The following IGSF10 variants were observed in gnomAD, a reference collection of about 807,000 sequenced individuals.
The protein encoded by IGSF10 is calvaria mechanical force protein 608.
Under a neutral mutation model 128.2 loss-of-function variants are expected in IGSF10, and 126 were observed. That is an observed-to-expected ratio of 0.98 (90% CI 0.85 to 1.14). The LOEUF (loss-of-function observed/expected upper bound fraction) is 1.14. Among genes scored for constraint, IGSF10 ranks in the 50% most tolerant of loss-of-function variants. IGSF10 has a pLI of 0.00. For synonymous variants in IGSF10, 1,185 were observed against 1,146.2 expected, an observed-to-expected ratio of 1.03 and a Z score of -0.68; for missense variants, 3,295 against 3,149.8, an observed-to-expected ratio of 1.05 and a Z score of -1.10.
chr3:151,446,003 A>AG lies in IGSF10; in HGVS notation c.3977dup (p.Ala1327CysfsTer7). 6.2e-7 allele frequency: 1 copy of AG among 1,614,174 alleles called. No individual in the cohort carries two copies. Among genetic ancestry groups the AG allele is most frequent in the South Asian group, 1.1e-5 (1 of 91,080 alleles). ...GGGTTTCATAAGTGATGACAGATGCAGGGAAGGTAGGAGTTGTTGCTGGTA... is the reference window on the plus strand; with the variant it reads ...GGGTTTCATAAGTGATGACAGATGCAGGGGAAGGTAGGAGTTGTTGCTGGTA... On this transcript the variant is annotated frameshift_variant, in exon 6 of 8. Transcript: ENST00000282466. LOFTEE classifies it high-confidence loss of function.
chr3:151,558,005 A>AT, the IGSF10 span, among the ~76,000 whole-genome samples: 3 of 39,554 alleles, frequency 7.6e-5, no homozygotes, highest in African/African-American at 2.4e-4. Context: ...AAGTATATAT[A>AT]ATATATATAT....
the IGSF10 span, among the ~76,000 whole-genome samples, chr3:151,545,512 A>G: frequency 0.036 from 5,505 of 152,260 alleles, 128 homozygotes; most frequent in East Asian, 0.06. Flanking sequence ...TTTTGGTCTT[A>G]TGGTTTAGCC....
At chr3:151,501,868 T>C in the IGSF10 span, among the ~76,000 whole-genome samples, 5 of 152,136 alleles carry the variant, frequency 3.3e-5, no homozygotes, top group African/African-American at 1.2e-4. Context: ...GAAATAGCTC[T>C]TTTGTTCTTG....
the IGSF10 span, among the ~76,000 whole-genome samples, chr3:151,512,388 G>A: frequency 1.3e-5 from 2 of 152,126 alleles, no homozygotes; most frequent in East Asian, 3.8e-4. Flanking sequence ...AATGAAGGCA[G>A]AAATAAAGAT....
Position 151,447,482 on chromosome 3 carries a change from C to T in IGSF10, c.2499G>A (p.Met833Ile), listed in dbSNP as rs570576236. 6.2e-6 allele frequency: 10 copies of T among 1,614,148 alleles called. 1 individual carries two copies. In the African/African-American group the frequency reaches 6.7e-5, roughly 11 times the overall value. ...ATTCTGTGCCATAATTTATGTTTGT[C>T]ATAGGACTATCAGATATTGTTCTGG... Reference protein sequence around the residue: ...ADSRTISDSPMTNINYGTEFS... With the variant: ...ADSRTISDSPITNINYGTEFS... Residue 833 changes from methionine to isoleucine, a missense_variant, in exon 6 of 8, where the codon ATG becomes ATA. Physicochemically the swap from Met to Ile is conservative, Grantham distance 10 (BLOSUM62 1). Coordinates refer to ENST00000282466, the MANE Select transcript of IGSF10 (RefSeq NM_178822.5).
the IGSF10 span, among the ~76,000 whole-genome samples, chr3:151,539,867 G>T: frequency 6.6e-6 from 1 of 151,824 alleles, no homozygotes; most frequent in South Asian, 2.1e-4. Flanking sequence ...ATCTCTGTGT[G>T]TGTCTGTCAT....
the IGSF10 span, among the ~76,000 whole-genome samples, chr3:151,602,440 A>C: frequency 1.3e-5 from 2 of 152,228 alleles, no homozygotes; most frequent in African/African-American, 4.8e-5. Flanking sequence ...CCAATGCTAC[A>C]TGTGTGGCCT....
chr3:151,558,845 G>A, the IGSF10 span, among the ~76,000 whole-genome samples: 1 of 152,110 alleles, frequency 6.6e-6, no homozygotes, highest in African/African-American at 2.4e-5. Context: ...GAGTCTGTTA[G>A]GAGGAGTTTT....
intron 4 of IGSF10, among the ~76,000 whole-genome samples, chr3:151,455,100 TTC>T (rs1157062132): frequency 2.0e-5 from 3 of 152,058 alleles, no homozygotes; most frequent in Non-Finnish European, 2.9e-5. Flanking sequence ...TAAATAAAGT[TTC>T]TTTTTTGCGT....
chr3:151,570,994 C>A, the IGSF10 span, among the ~76,000 whole-genome samples: 1 of 152,154 alleles, frequency 6.6e-6, no homozygotes, highest in Non-Finnish European at 1.5e-5. Flanking sequence ...AATAGGGAAT[C>A]CTTTCCCCAT....
downstream of IGSF10, chr3:151,432,862 A>G (rs1719690937): frequency 1.6e-6 from 2 of 1,283,350 alleles, no homozygotes; most frequent in Non-Finnish European, 2.2e-6. Flanking sequence ...AGAAAATCAA[A>G]TTTAATGCAT....
rs1721321871 is a variant in IGSF10 at position 151,448,278 on chromosome 3, A to G, written c.1703T>C (p.Val568Ala). 1.9e-6 allele frequency: 3 copies of G among 1,614,112 alleles called. No homozygotes were observed. Among genetic ancestry groups the G allele is most frequent in the Non-Finnish European group, 2.5e-6 (3 of 1,180,046 alleles). The change falls in exon 6 of 8, where the codon GTG becomes GCG. Residue 568 changes from valine to alanine, a missense_variant. Transcript: ENST00000282466. ...ATAGGCTTCGACCAAAGGTTCTACCACAGTTATCCTATAGGTGAGAATATC... is the reference window on the plus strand; with the variant it reads ...ATAGGCTTCGACCAAAGGTTCTACCGCAGTTATCCTATAGGTGAGAATATC... The part of the protein sequence containing the change: ...DADILTYRIT[V>A]VEPLVEAYQE...
At chr3:151,512,810 C>T in the IGSF10 span, among the ~76,000 whole-genome samples, 1 of 152,196 alleles carries the variant, frequency 6.6e-6, no homozygotes, top group Non-Finnish European at 1.5e-5. Flanking sequence ...GAAATACAAA[C>T]TACCATCAGA....
chr3:151,461,602 G>A (rs561136577), upstream of IGSF10: 11 of 203,144 alleles, frequency 5.4e-5, no homozygotes, highest in South Asian at 1.7e-4. Context: ...TTTGTGACAC[G>A]AGCAGCTAAA....
In IGSF10 at chr3:151,443,819, T is replaced by G. The variant is rs754329488; in HGVS notation, c.5128A>C (p.Ile1710Leu). The G allele has an allele frequency of 1.9e-6, 3 of 1,614,146 alleles. No homozygotes were observed. The highest frequency in any genetic ancestry group is 1.1e-5 in the South Asian group (1 of 91,090). ...CGGTCCTGAATTTCCACCCTCTGGA[T>G]GGACAGGGTACCATTGGGGAGAACC... ...VQVLPNGTLS[I>L]QRVEIQDRGQ... Residue 1710 changes from isoleucine to leucine, a missense_variant, in exon 7 of 8, where the codon ATC (isoleucine) becomes CTC (leucine). Physicochemically the swap from Ile to Leu is conservative, Grantham distance 5 (BLOSUM62 2). Coordinates refer to ENST00000282466, the MANE Select transcript of IGSF10 (RefSeq NM_178822.5).
At chr3:151,561,989 G>A in the IGSF10 span, among the ~76,000 whole-genome samples, 1 of 152,094 alleles carries the variant, frequency 6.6e-6, no homozygotes, top group African/African-American at 2.4e-5. Context: ...TATCAGAGGC[G>A]TTTGAACCAG....
the IGSF10 span, among the ~76,000 whole-genome samples, chr3:151,493,193 T>C: frequency 1.4e-4 from 21 of 152,122 alleles, no homozygotes; most frequent in African/African-American, 5.1e-4. Flanking sequence ...GTAGCAGATA[T>C]GTAGAATGAA....
chr3:151,495,542 A>T, the IGSF10 span, among the ~76,000 whole-genome samples: 14 of 151,390 alleles, frequency 9.2e-5, no homozygotes, highest in African/African-American at 3.4e-4. Flanking sequence ...GAAAAAAATT[A>T]AGAACGACAA....
chr3:151,443,675 G>A lies in IGSF10; in HGVS notation c.5272C>T (p.His1758Tyr). The A allele has an allele frequency of 6.2e-7, 1 of 1,614,198 alleles. No individual in the cohort carries two copies. Among genetic ancestry groups the A allele is most frequent in the East Asian group, 2.2e-5 (1 of 44,890 alleles). Residue 1758 changes from histidine to tyrosine, a missense_variant, in exon 7 of 8, where the codon CAT becomes TAT. Coordinates refer to ENST00000282466, the MANE Select transcript of IGSF10 (RefSeq NM_178822.5). ...TTCAGTTCCACAGTGCTTCCGGAAT[G>A]AACTGTGATCTCTTTGGTACGTCTC... The part of the protein sequence containing the change: ...LERRTKEITV[H>Y]SGSTVELKCR...
Sources: gnomAD v4.1 joint callset for allele counts (sites outside exome capture counted in the v4.1 genomes callset) on GRCh38, gnomAD v4.1.1 for gene constraint, MANE v1.5 for transcripts, NCBI Gene and HGNC (gene_info 2026-07-23, HGNC 2026-07-21) for gene names.